The following PUS10 variants were observed in gnomAD, a reference collection of about 807,000 sequenced individuals.
The protein encoded by PUS10 is tRNA pseudouridine synthase Pus10.
In PUS10, 59 loss-of-function variants were observed where a neutral mutation model predicts 75.0. That is an observed-to-expected ratio of 0.79 (90% confidence interval 0.64 to 0.98). The LOEUF (loss-of-function observed/expected upper bound fraction) is 0.98, where lower values mean the gene tolerates loss of function less well. Ranked by LOEUF, PUS10 falls within the 50% of genes least tolerant of loss-of-function variation. PUS10 has a pLI of 0.00. For synonymous variants in PUS10, 219 were observed against 211.6 expected (o/e 1.03, Z -0.30); for missense variants, 650 against 614.4 (o/e 1.06, Z -0.61).
Position 61,013,400 on chromosome 2 carries a change from T to C in PUS10, c.-15-1495A>G, listed in dbSNP as rs927074896. ...TGCATGCTCTGAGAGGCCAAGAACC[T>C]AGACAGGCTTGCTGGGTTTCCCCAC... is the stretch of plus-strand genomic sequence containing the variant. On this transcript the variant is annotated intron_variant, in intron 1 of 17. Transcript: ENST00000316752. Among the ~76,000 whole-genome samples the C allele has an allele frequency of 2.0e-5, 3 of 152,196 alleles. No homozygotes were observed. The East Asian group carries it at 5.8e-4, about 29-fold the overall frequency.
chr2:60,954,822 A>C (rs1018236436), intron 12 of PUS10, among the ~76,000 whole-genome samples, 196 bp downstream of exon 12: 6 of 152,236 alleles, frequency 3.9e-5, no homozygotes, highest in African/African-American at 1.4e-4. Context: ...ATGGCCTCTG[A>C]AGAAATGATT....
intron 4 of PUS10, among the ~76,000 whole-genome samples, chr2:60,975,367 AGT>A (rs1290072203): frequency 6.6e-6 from 1 of 152,048 alleles, no homozygotes. Flanking sequence ...GGATGGTCTC[AGT>A]ATCTTGACCT....
intron 4 of PUS10, among the ~76,000 whole-genome samples, chr2:61,001,200 T>A (rs544906633): frequency 6.6e-6 from 1 of 152,190 alleles, no homozygotes; most frequent in Non-Finnish European, 1.5e-5. Context: ...AGTACACAAA[T>A]CTTCCTTAGC....
At chr2:60,957,654 G>A (rs983911044) in intron 11 of PUS10, among the ~76,000 whole-genome samples, 9 of 152,262 alleles carry the variant, frequency 5.9e-5, no homozygotes, top group East Asian at 1.9e-4. Context: ...TCTAGCCTAC[G>A]CTGTGCCCTG....
chr2:60,951,431 C>T (rs1306141223), intron 15 of PUS10, among the ~76,000 whole-genome samples: 6 of 151,918 alleles, frequency 3.9e-5, no homozygotes, highest in Non-Finnish European at 8.8e-5. Flanking sequence ...AATGTAGATT[C>T]AGTGGGAGCC....
rs1458536388 is a variant in PUS10 at position 60,967,494 on chromosome 2, C to A, written c.615+8G>T. On this transcript the variant is annotated splice_region_variant and intron_variant, in intron 6 of 17. Coordinates refer to ENST00000316752, the MANE Select transcript of PUS10 (RefSeq NM_144709.4). ...AGAATAAAATTAACAATGCTGTTGA[C>A]CCAATACCTTTCCATCAATGGGAAC... 4 of 1,507,576 alleles carry A rather than the reference C, an allele frequency of 2.7e-6. No homozygotes were observed. 93.4% of individuals were successfully genotyped at this position (1,507,576 alleles called of 1,614,324 possible).
intron 4 of PUS10, among the ~76,000 whole-genome samples, chr2:61,000,051 A>C (rs1051879884): frequency 6.6e-6 from 1 of 152,074 alleles, no homozygotes; most frequent in African/African-American, 2.4e-5. Flanking sequence ...CGGGGGTCCT[A>C]GAACCAACCC....
chr2:60,943,371 T>C (rs1048989934), intron 17 of PUS10, among the ~76,000 whole-genome samples: 3 of 151,966 alleles, frequency 2.0e-5, no homozygotes, highest in African/African-American at 7.3e-5. Flanking sequence ...AAAACCTTGA[T>C]CTTTGAGTCA....
rs1163561504 is a variant in PUS10, at chr2:60,943,036, GAAAAAAA to G, written c.1552-610_1552-604del. 6.7e-3 allele frequency among the ~76,000 whole-genome samples: 526 copies of G among 78,430 alleles called. 5 individuals are homozygous for G. Among genetic ancestry groups the G allele is most frequent in the African/African-American group, 0.025 (502 of 19,960 alleles). 51.5% of individuals were successfully genotyped at this position (78,430 alleles called of 152,430 possible). A position where few individuals can be genotyped will look rare whatever the true frequency, so the allele number is the denominator to read the frequency against. ...ACAGAATGAGACCCTATCTATCTCA[GAAAAAAA>G]AAAAAAAAAAAAAGTATTTATGGGT... On this transcript the variant is annotated intron_variant, in intron 17 of 17. Coordinates refer to ENST00000316752, the MANE Select transcript of PUS10 (RefSeq NM_144709.4).
At chr2:60,947,677 A>C (rs919847979) in intron 16 of PUS10, among the ~76,000 whole-genome samples, 2 of 151,958 alleles carry the variant, frequency 1.3e-5, no homozygotes, top group Admixed American at 6.6e-5. Flanking sequence ...AAAATACAAA[A>C]AATTAGTCAG....
chr2:61,017,720 A>G (rs1254257951), intron 1 of PUS10: 2 of 1,507,684 alleles, frequency 1.3e-6, no homozygotes, highest in East Asian at 2.5e-5. Flanking sequence ...GGGCCTGGAC[A>G]GTCAGGGGTA....
At chr2:60,976,301 C>T (rs1640608064) in intron 4 of PUS10, among the ~76,000 whole-genome samples, 1 of 152,170 alleles carries the variant, frequency 6.6e-6, no homozygotes, top group Admixed American at 6.5e-5. Flanking sequence ...GATCTCATTC[C>T]GTCATATTTC....
At chr2:60,965,401 C>T (rs777576528) in intron 7 of PUS10, 22 bp downstream of exon 7, 17 of 1,586,590 alleles carry the variant, frequency 1.1e-5, no homozygotes, top group Admixed American at 6.9e-5. Context: ...ACACCATTGA[C>T]GTTGTTTACA....
intron 11 of PUS10, among the ~76,000 whole-genome samples, chr2:60,958,483 G>A (rs548537002): frequency 1.3e-5 from 2 of 152,246 alleles, no homozygotes; most frequent in East Asian, 3.9e-4. Context: ...TCAGGGAGCT[G>A]GAAGGGTCAG....
At chr2:60,954,645 C>T (rs1675540044) in intron 12 of PUS10, among the ~76,000 whole-genome samples, 1 of 152,178 alleles carries the variant, frequency 6.6e-6, no homozygotes, top group Non-Finnish European at 1.5e-5. Context: ...AAGGTTAAGA[C>T]AGCAGAATCA....
Position 61,006,584 on chromosome 2 carries a change from G to A in PUS10, c.441C>T (p.Ser147=). ...FEFTSLVFSV[S]FPPQLSVREH... Reference sequence around the variant, plus strand: ...CTCTTACAGATAGTTGTGGTGGGAAGGAGACTGAAAATACCAAGCTGGTGA... The same window carrying A: ...CTCTTACAGATAGTTGTGGTGGGAAAGAGACTGAAAATACCAAGCTGGTGA... The change falls in exon 4 of 18, where the codon TCC becomes TCT. Residue 147 remains serine, a synonymous_variant. Coordinates refer to ENST00000316752, the MANE Select transcript of PUS10 (RefSeq NM_144709.4). 1 of 1,613,608 alleles carries A rather than the reference G, an allele frequency of 6.2e-7. No individual in the cohort carries two copies. The highest frequency in any genetic ancestry group is 8.5e-7 in the Non-Finnish European group (1 of 1,179,732).
rs1406395305 is a variant in PUS10, at chr2:60,986,520, AT to A, written c.469-14964del. On this transcript the variant is annotated intron_variant, in intron 4 of 17. Transcript: ENST00000316752. ...ATCATAATTTTATTTTTAAAGAAAC[AT>A]CTTCCTAAACTTAGTGAATTTTGCA... 1.1e-4 allele frequency among the ~76,000 whole-genome samples: 17 copies of A among 152,322 alleles called. No homozygotes were observed. In the East Asian group the frequency reaches 1.7e-3, roughly 16 times the overall value.
intron 4 of PUS10, among the ~76,000 whole-genome samples, chr2:60,999,460 A>T (rs1678703443): frequency 6.6e-6 from 1 of 152,102 alleles, no homozygotes; most frequent in African/African-American, 2.4e-5. Context: ...ACAAAAAAAT[A>T]AAAAATAAGT....
At chr2:60,952,161 C>G (rs981383095) in intron 15 of PUS10, among the ~76,000 whole-genome samples, 1 of 151,890 alleles carries the variant, frequency 6.6e-6, no homozygotes, top group African/African-American at 2.4e-5. Flanking sequence ...TGGCAAAACC[C>G]CATCTCTACT....
Sources: gnomAD v4.1 joint callset for allele counts (sites outside exome capture counted in the v4.1 genomes callset) on GRCh38, gnomAD v4.1.1 for gene constraint, MANE v1.5 for transcripts, NCBI Gene and HGNC (gene_info 2026-07-23, HGNC 2026-07-21) for gene names.